CDH13: variants seen among roughly 807,000 people sequenced by gnomAD.
CDH13 encodes cadherin 13, also known as cadherin-13.
A neutral mutation model predicts 63.8 loss-of-function variants in CDH13; 24 were observed. The observed-to-expected ratio is 0.38, with a 90% CI of 0.27 to 0.53. The LOEUF (loss-of-function observed/expected upper bound fraction) is 0.53. CDH13 is among the 20% of genes least tolerant of loss of function. CDH13 has a pLI of 0.85. For missense variants in CDH13, 1,049 were observed against 903.1 expected (o/e 1.16, Z -2.07); for synonymous variants, 503 against 355.3 (o/e 1.42, Z -4.67).
At chr16:83,180,147 T>TC (rs2038290803) in intron 4 of CDH13, among the ~76,000 whole-genome samples, 1 of 148,406 alleles carries the variant, frequency 6.7e-6, no homozygotes, top group African/African-American at 2.6e-5. Flanking sequence ...AGGTTTTTTT[T>TC]GTTGTTGTTG....
chr16:83,751,512 A>T (rs563561700), intron 11 of CDH13, among the ~76,000 whole-genome samples: 1 of 152,192 alleles, frequency 6.6e-6, no homozygotes, highest in Admixed American at 6.5e-5. Context: ...GGTGATGGCA[A>T]GATGTGAGGA....
intron 2 of CDH13, among the ~76,000 whole-genome samples, chr16:82,887,773 G>T (rs781083587): frequency 6.6e-6 from 1 of 152,146 alleles, no homozygotes; most frequent in Non-Finnish European, 1.5e-5. Flanking sequence ...AGTGATCTGA[G>T]CTCGCACCAC....
At chr16:83,021,552 C>T (rs960763826) in intron 2 of CDH13, among the ~76,000 whole-genome samples, 2 of 152,144 alleles carry the variant, frequency 1.3e-5, no homozygotes, top group Non-Finnish European at 1.5e-5. Context: ...AAGAGGAAGC[C>T]CTTAAGGGTT....
rs192357209 is a variant in CDH13, at chr16:83,330,145, C to G, written c.637-14717C>G. ...TGTATCTGGACTGTGGTGGTGGATA[C>G]AAGAACCTGCACATGTAATAAAATT... On this transcript the variant is annotated intron_variant, in intron 5 of 13. Transcript: ENST00000567109. 1.1e-4 allele frequency among the ~76,000 whole-genome samples: 17 copies of G among 152,202 alleles called. No individual in the cohort carries two copies. The East Asian group carries it at 2.9e-3, about 26-fold the overall frequency.
intron 5 of CDH13, among the ~76,000 whole-genome samples, chr16:83,230,207 C>G (rs986544907): frequency 2.6e-5 from 4 of 152,146 alleles, no homozygotes; most frequent in African/African-American, 9.7e-5. Context: ...TGAACTCCAC[C>G]AAAGTCACAT....
At chr16:82,679,982 G>A (rs1002557978) in intron 1 of CDH13, among the ~76,000 whole-genome samples, 5 of 152,158 alleles carry the variant, frequency 3.3e-5, no homozygotes, top group African/African-American at 1.2e-4. Context: ...AGAAGGACAA[G>A]GAAGACCACC....
At chr16:82,798,543 G>A (rs1334015043) in intron 1 of CDH13, among the ~76,000 whole-genome samples, 2 of 152,150 alleles carry the variant, frequency 1.3e-5, no homozygotes, top group African/African-American at 4.8e-5. Flanking sequence ...AGGGTGAGCC[G>A]TAAATACAGG....
intron 5 of CDH13, among the ~76,000 whole-genome samples, chr16:83,338,908 G>A (rs2090661252): frequency 6.6e-6 from 1 of 152,204 alleles, no homozygotes; most frequent in African/African-American, 2.4e-5. Context: ...GGTATTTGCT[G>A]TTTTTCCTAA....
At chr16:83,243,473 C>T (rs1904679045) in intron 5 of CDH13, among the ~76,000 whole-genome samples, 1 of 152,122 alleles carries the variant, frequency 6.6e-6, no homozygotes, top group African/African-American at 2.4e-5. Context: ...ACTTACCTCT[C>T]TCACCTGGTC....
chr16:83,111,245 T>G (rs7196583), intron 3 of CDH13, among the ~76,000 whole-genome samples: 1 of 151,002 alleles, frequency 6.6e-6, no homozygotes, highest in Non-Finnish European at 1.5e-5. Context: ...TTGGGAGGAG[T>G]AGAGTAAAAA....
intron 2 of CDH13, among the ~76,000 whole-genome samples, chr16:82,951,075 C>T (rs1041699917): frequency 1.3e-5 from 2 of 152,158 alleles, no homozygotes; most frequent in Admixed American, 1.3e-4. Context: ...CTTCCCTTGG[C>T]TCAATCTTCA....
chr16:83,144,420 C>A (rs1283011515), intron 4 of CDH13, among the ~76,000 whole-genome samples: 3 of 152,320 alleles, frequency 2.0e-5, no homozygotes, highest in East Asian at 1.9e-4. Flanking sequence ...AAGCAGTAGT[C>A]CATTCTACCT....
chr16:83,487,163 C>T (rs1023285619), intron 7 of CDH13, among the ~76,000 whole-genome samples: 42 of 152,314 alleles, frequency 2.8e-4, no homozygotes, highest in African/African-American at 9.9e-4. Flanking sequence ...TAGGCTTTCT[C>T]CGTGAAATCT....
chr16:83,090,111 C>G (rs1290545509), intron 3 of CDH13, among the ~76,000 whole-genome samples: 1 of 152,138 alleles, frequency 6.6e-6, no homozygotes, highest in Non-Finnish European at 1.5e-5. Context: ...GTCGTCAACC[C>G]CACCCACAAA....
rs1041202436 is a variant in CDH13 at position 82,713,175 on chromosome 16, C to G, written c.45+86038C>G. On this transcript the variant is annotated intron_variant, in intron 1 of 13. Transcript: ENST00000567109. ...CAATTTGGGATCCCGGTACCACCCG[C>G]ATAAGAATCTTTTGGATGCTGAATA... 5.2e-4 allele frequency among the ~76,000 whole-genome samples: 79 copies of G among 152,212 alleles called. 1 individual carries two copies. Among genetic ancestry groups the G allele is most frequent in the African/African-American group, 1.9e-3 (78 of 41,530 alleles).
At chr16:83,683,111 A>T (rs921426066) in intron 10 of CDH13, among the ~76,000 whole-genome samples, 2 of 152,198 alleles carry the variant, frequency 1.3e-5, no homozygotes, top group Non-Finnish European at 1.5e-5. Flanking sequence ...TTGATCTCCA[A>T]GGAACCTGTG....
At chr16:83,316,858 T>C (rs1567586762) in intron 5 of CDH13, among the ~76,000 whole-genome samples, 1 of 152,164 alleles carries the variant, frequency 6.6e-6, no homozygotes, top group Non-Finnish European at 1.5e-5. Context: ...TGTATGTTGA[T>C]CAGCTGAGCT....
intron 3 of CDH13, among the ~76,000 whole-genome samples, chr16:83,084,279 T>A (rs1050482627): frequency 2.0e-5 from 3 of 152,208 alleles, no homozygotes. Flanking sequence ...GAAGGATCTG[T>A]GACCTGGGAA....
rs545177825 is a variant in CDH13, at chr16:82,938,080, C to A, written c.157+79607C>A. The stretch of plus-strand genomic sequence containing the variant: ...GCAGCTGCAACAGCGGTAGCAACAA[C>A]ACGCCAAAAAACGGAAAGATAATAC... On this transcript the variant is annotated intron_variant, in intron 2 of 13. Coordinates refer to ENST00000567109, the MANE Select transcript of CDH13 (RefSeq NM_001257.5). Among the ~76,000 whole-genome samples, 15 of 152,248 alleles carry A rather than the reference C, an allele frequency of 9.9e-5. No individual in the cohort carries two copies. In the East Asian group the frequency reaches 2.9e-3, roughly 29 times the overall value.
Sources: allele counts gnomAD v4.1 joint callset (sites outside exome capture counted in the v4.1 genomes callset), GRCh38; gene constraint gnomAD v4.1.1; transcripts MANE v1.5; gene names NCBI Gene and HGNC (gene_info 2026-07-23, HGNC 2026-07-21).